Variants in VAPA observed in about 807,000 individuals in gnomAD.
The protein encoded by VAPA is vesicle-associated membrane protein-associated protein A.
Under a neutral mutation model 25.6 loss-of-function variants are expected in VAPA, and 6 were observed. The observed-to-expected ratio is 0.23, with a 90% CI of 0.13 to 0.46. The LOEUF (loss-of-function observed/expected upper bound fraction) is 0.46. Ranked by LOEUF, VAPA falls within the 20% of genes least tolerant of loss-of-function variation. The pLI is 0.99. For synonymous variants in VAPA, 112 were observed against 106.2 expected, an observed-to-expected ratio of 1.05 and a Z score of -0.34; for missense variants, 244 against 302.1, an observed-to-expected ratio of 0.81 and a Z score of 1.43.
chr18:9,940,853 A>C (rs2069360147), intron 4 of VAPA, among the ~76,000 whole-genome samples: 1 of 152,220 alleles, frequency 6.6e-6, no homozygotes, highest in East Asian at 1.9e-4. Context: ...ACCATTTCAA[A>C]TTTATGTAAT....
chr18:9,925,031 A>T (rs137941453), intron 1 of VAPA: 75 of 152,252 alleles, frequency 4.9e-4, no homozygotes, highest in African/African-American at 1.8e-3. Flanking sequence ...ATGAGTATTT[A>T]TACGACCAGA....
chr18:9,945,769 T>G (rs1281337261), intron 4 of VAPA, among the ~76,000 whole-genome samples: 10 of 152,212 alleles, frequency 6.6e-5, no homozygotes, highest in African/African-American at 2.4e-4. Context: ...TTTTTGTTTT[T>G]GTGATTGGGA....
chr18:9,945,036 T>A, intron 4 of VAPA: 1 of 1,614,138 alleles, frequency 6.2e-7, no homozygotes, highest in Non-Finnish European at 8.5e-7. Flanking sequence ...GGACTCAGTG[T>A]GTTGAAACAG....
chr18:9,933,786 C>T lies in VAPA; in HGVS notation c.232+1824C>T, dbSNP rs144229873. 1.7e-4 allele frequency among the ~76,000 whole-genome samples: 26 copies of T among 152,322 alleles called. No homozygotes were observed. In the East Asian group the frequency reaches 4.4e-3, roughly 26 times the overall value. ...CTCCTGACCTCAAGTGATCCATCTA[C>T]CTTAGCCTCCCCAAATGCTGGGATT... On this transcript the variant is annotated intron_variant, in intron 2 of 5. Transcript: ENST00000400000.
In VAPA at chr18:9,914,401, G is replaced by T. The variant is rs912156072; in HGVS notation, c.79+66G>T. ...CGGACCGCTGGCTGTCGGCGGGGGG[G>T]CGCGGAGGGCACGTCCGCGGCCCTG... On this transcript the variant is annotated intron_variant, in intron 1 of 5. Coordinates refer to ENST00000400000, the MANE Select transcript of VAPA (RefSeq NM_194434.3). The T allele has an allele frequency of 3.5e-6, 5 of 1,426,832 alleles. No individual in the cohort carries two copies. In the South Asian group the frequency reaches 4.0e-5, roughly 11 times the overall value. The allele number at this position is 1,426,832 out of a possible 1,614,324, so 88.4% of individuals were successfully genotyped here. A position where few individuals can be genotyped will look rare whatever the true frequency, so the allele number is the denominator to read the frequency against.
intron 1 of VAPA, among the ~76,000 whole-genome samples, chr18:9,916,023 G>C (rs1201758498): frequency 6.6e-6 from 1 of 152,068 alleles, no homozygotes. Context: ...TTGATTGGCT[G>C]TGTTTACAGT....
intron 1 of VAPA, among the ~76,000 whole-genome samples, chr18:9,925,832 T>G (rs578174690): frequency 6.6e-6 from 1 of 152,300 alleles, no homozygotes; most frequent in Admixed American, 6.5e-5. Flanking sequence ...AAAAATCTTT[T>G]TCATATATTG....
intron 4 of VAPA, among the ~76,000 whole-genome samples, chr18:9,942,865 G>T (rs1567899227): frequency 6.6e-6 from 1 of 152,150 alleles, no homozygotes; most frequent in Non-Finnish European, 1.5e-5. Flanking sequence ...CTTCCCACCA[G>T]GTTCCACCTC....
chr18:9,938,774 T>A (rs1891219900), intron 4 of VAPA, among the ~76,000 whole-genome samples: 1 of 152,222 alleles, frequency 6.6e-6, no homozygotes. Context: ...TAAAGATAAT[T>A]TTTAAGATTT....
intron 2 of VAPA, among the ~76,000 whole-genome samples, chr18:9,935,742 G>A (rs1451260937): frequency 6.6e-6 from 1 of 152,134 alleles, no homozygotes; most frequent in East Asian, 1.9e-4. Context: ...TATAGTTAAC[G>A]TTGGCAAAGT....
At chr18:9,949,315 T>TGAATGAG (rs2069462025) in intron 4 of VAPA, 1 of 152,234 alleles carries the variant, frequency 6.6e-6, no homozygotes, top group Non-Finnish European at 1.5e-5. Context: ...TACATGCTGT[T>TGAATGAG]GTTCATTAGA....
chr18:9,942,141 G>C (rs1453685085), intron 4 of VAPA, among the ~76,000 whole-genome samples: 1 of 152,122 alleles, frequency 6.6e-6, no homozygotes, highest in East Asian at 1.9e-4. Flanking sequence ...TTAGTGTTTA[G>C]AGCAGTGGAC....
chr18:9,914,342 A>G lies in VAPA; in HGVS notation c.79+7A>G. The G allele has an allele frequency of 6.4e-7, 1 of 1,574,576 alleles. No homozygotes were observed. ...ACAGACCTCAAATTCAAAGGTAGGC[A>G]GAACGGGGACACCCCCGGGTGGGGT... On this transcript the variant is annotated splice_region_variant and intron_variant, in intron 1 of 5. Transcript: ENST00000400000.
At chr18:9,944,013 C>T (rs2069395033) in intron 4 of VAPA, among the ~76,000 whole-genome samples, 1 of 151,744 alleles carries the variant, frequency 6.6e-6, no homozygotes, top group Non-Finnish European at 1.5e-5. Flanking sequence ...AGGTGCCCGC[C>T]ACCACGCCTG....
intron 1 of VAPA, among the ~76,000 whole-genome samples, chr18:9,930,318 T>C (rs558165783): frequency 4.9e-4 from 75 of 152,284 alleles, no homozygotes; most frequent in African/African-American, 1.8e-3. Context: ...TAATCTGTGA[T>C]TGCTACTAAT....
At chr18:9,935,019 T>C (rs140184748) in intron 2 of VAPA, among the ~76,000 whole-genome samples, 10,453 of 143,448 alleles carry the variant, frequency 0.073, 477 homozygotes, top group African/African-American at 0.14. Flanking sequence ...GGCGTGAACC[T>C]GGGAGGCAGA....
rs543844509 is a variant in VAPA at position 9,925,981 on chromosome 18, C to T, written c.80-5829C>T. Among the ~76,000 whole-genome samples, 5 of 152,208 alleles carry T rather than the reference C, an allele frequency of 3.3e-5. No individual in the cohort carries two copies. The South Asian group carries it at 1.0e-3, about 32-fold the overall frequency. On this transcript the variant is annotated intron_variant, in intron 1 of 5. Transcript: ENST00000400000. The stretch of plus-strand genomic sequence containing the variant: ...CCTAGAGTCAGACCTGGTTTGACTT[C>T]CCACTTTCATTGCTTTGAGTTATAT...
rs890092884 is a variant in VAPA, at chr18:9,914,366, G to T, written c.79+31G>T. ...CAGAACGGGGACACCCCCGGGTGGGGTGGGGCGCGCGGACCGCTGGCTGTC... is the reference window on the plus strand; with the variant it reads ...CAGAACGGGGACACCCCCGGGTGGGTTGGGGCGCGCGGACCGCTGGCTGTC... On this transcript the variant is annotated intron_variant, in intron 1 of 5. Transcript: ENST00000400000. 12 of 1,547,818 alleles carry T rather than the reference G, an allele frequency of 7.8e-6. No homozygotes were observed. In the African/African-American group the frequency reaches 1.4e-4, roughly 18 times the overall value.
chr18:9,931,831 C>T lies in VAPA; in HGVS notation c.101C>T (p.Thr34Ile), dbSNP rs766006142. ...ACAGGCCCCTTCACAGATGTAGTCA[C>T]TACAAATCTTAAATTGCGAAATCCA... The part of the protein sequence containing the change: ...KFKGPFTDVV[T>I]TNLKLRNPSD... Residue 34 changes from threonine (T) to isoleucine (I), a missense_variant, in exon 2 of 6, where the codon ACT (threonine) becomes ATT (isoleucine). By Grantham distance (89) the Thr-to-Ile change is moderately conservative (BLOSUM62 -1). Around this residue, in one of 2 missense-constraint regions of VAPA, gnomAD observed 99 missense variants for 161.6 expected, o/e 0.61. Transcript: ENST00000400000. 2.4e-5 allele frequency: 39 copies of T among 1,613,544 alleles called. No individual in the cohort carries two copies. Among genetic ancestry groups the T allele is most frequent in the Non-Finnish European group, 2.8e-5 (33 of 1,179,832 alleles).
Sources: allele counts gnomAD v4.1 joint callset (sites outside exome capture counted in the v4.1 genomes callset), GRCh38; gene constraint gnomAD v4.1.1; regional missense constraint gnomAD v4.1.1; transcripts MANE v1.5; gene names NCBI Gene and HGNC (gene_info 2026-07-23, HGNC 2026-07-21).